Variants in LHCGR observed in about 807,000 individuals in gnomAD.
The protein encoded by LHCGR is luteinizing hormone/choriogonadotropin receptor.
A neutral mutation model predicts 60.7 loss-of-function variants in LHCGR; 55 were observed. The observed-to-expected ratio is 0.91, with a 90% CI of 0.73 to 1.13. The LOEUF is 1.13. LHCGR is among the 50% of genes most tolerant of loss of function. The pLI is 0.00. For missense variants in LHCGR, 862 were observed against 836.0 expected (o/e 1.03, Z -0.38); for synonymous variants, 337 against 316.5 (o/e 1.06, Z -0.69).
At chr2:48,742,870 C>T (rs1443784308) in intron 1 of LHCGR, among the ~76,000 whole-genome samples, 1 of 151,852 alleles carries the variant, frequency 6.6e-6, no homozygotes, top group Non-Finnish European at 1.5e-5. Flanking sequence ...CATAGAGACA[C>T]AAAAAACCCT....
intron 1 of LHCGR, among the ~76,000 whole-genome samples, chr2:48,733,577 A>T (rs1669096661): frequency 6.6e-6 from 1 of 152,156 alleles, no homozygotes; most frequent in African/African-American, 2.4e-5. Context: ...TAAAAGAGAC[A>T]CCAAGTGAAC....
Position 48,687,984 on chromosome 2 carries a change from T to C in LHCGR, c.1813A>G (p.Lys605Glu), listed in dbSNP as rs1239929044. ...GGATAAAAAAGAACCAGTAAAACTT[T>C]AGAGTTGGTTACTGTGATAAGAGGT... ...KVPLITVTNS[K>E]VLLVLFYPIN... The change falls in exon 11 of 11, where the codon AAA becomes GAA. Residue 605 changes from lysine to glutamate, a missense_variant. By Grantham distance (56) the Lys-to-Glu change is moderately conservative (BLOSUM62 1). Coordinates refer to ENST00000294954, the MANE Select transcript of LHCGR (RefSeq NM_000233.4). The C allele has an allele frequency of 1.9e-6, 3 of 1,614,050 alleles. No homozygotes were observed. Among genetic ancestry groups the C allele is most frequent in the Non-Finnish European group, 1.7e-6 (2 of 1,180,024 alleles).
chr2:48,736,052 T>C (rs952732423), intron 1 of LHCGR, among the ~76,000 whole-genome samples: 1 of 152,190 alleles, frequency 6.6e-6, no homozygotes, highest in African/African-American at 2.4e-5. Flanking sequence ...CCCTTTTGCC[T>C]TCTGCCATGA....
chr2:48,692,770 T>C (rs779864449), intron 10 of LHCGR, among the ~76,000 whole-genome samples: 3 of 152,210 alleles, frequency 2.0e-5, no homozygotes, highest in Non-Finnish European at 4.4e-5. Context: ...CTCTAGAATT[T>C]CTAAACTCTA....
intron 10 of LHCGR, among the ~76,000 whole-genome samples, chr2:48,692,592 C>T (rs527346485): frequency 3.3e-5 from 5 of 152,278 alleles, no homozygotes; most frequent in Admixed American, 2.0e-4. Context: ...TATGAATGGA[C>T]TCACATGGGC....
intron 7 of LHCGR, among the ~76,000 whole-genome samples, chr2:48,712,601 C>T (rs1668048632): frequency 6.6e-6 from 1 of 152,160 alleles, no homozygotes; most frequent in Non-Finnish European, 1.5e-5. Context: ...AAAAATTCTA[C>T]AATTTCTTGA....
intron 1 of LHCGR, among the ~76,000 whole-genome samples, 158 bp downstream of exon 1, chr2:48,755,353 T>A (rs1033437097): frequency 6.6e-6 from 1 of 152,004 alleles, no homozygotes; most frequent in Non-Finnish European, 1.5e-5. Flanking sequence ...AAGTTTTGGG[T>A]TCTCATCACC....
intron 7 of LHCGR, among the ~76,000 whole-genome samples, chr2:48,710,163 G>A (rs1027606479): frequency 1.3e-5 from 2 of 152,032 alleles, no homozygotes; most frequent in African/African-American, 2.4e-5. Flanking sequence ...CATTTTCTTT[G>A]GAAACCCTCA....
In LHCGR at chr2:48,688,647, G is replaced by T. The variant is rs2104356754; in HGVS notation, c.1150C>A (p.Leu384Ile). 6.2e-7 allele frequency: 1 copy of T among 1,614,080 alleles called. No individual in the cohort carries two copies. Among genetic ancestry groups the T allele is most frequent in the Non-Finnish European group, 8.5e-7 (1 of 1,179,998 alleles). The change falls in exon 11 of 11, where the codon CTC (leucine) becomes ATC (isoleucine). Residue 384 changes from leucine to isoleucine, a missense_variant. Leu to Ile is a conservative substitution (Grantham distance 5). Coordinates refer to ENST00000294954, the MANE Select transcript of LHCGR (RefSeq NM_000233.4). This position sits in a 1 kb window ranked among gnomAD's most constrained non-coding sequence, Gnocchi z 5.2. ...IMGNMTVLFV[L>I]LTSRYKLTVP... The stretch of plus-strand genomic sequence containing the variant: ...GTAAGTTTGTAACGACTTGTCAGGA[G>T]AACAAAAAGAACAGTCATGTTTCCC...
chr2:48,698,864 CG>C, intron 8 of LHCGR, 64 bp from the exon 9 acceptor site: 1 of 1,357,984 alleles, frequency 7.4e-7, no homozygotes, highest in East Asian at 2.6e-5. Flanking sequence ...TTTTTTGAGA[CG>C]GAGTCTTGCT....
rs1668873542 is a variant in LHCGR, at chr2:48,729,174, T to C, written c.287A>G (p.Asn96Ser). 6.2e-7 allele frequency: 1 copy of C among 1,611,760 alleles called. No individual in the cohort carries two copies. The highest frequency in any genetic ancestry group is 1.1e-5 in the South Asian group (1 of 91,056). Residue 96 changes from asparagine (N) to serine (S), a missense_variant, in exon 3 of 11, where the codon AAC becomes AGC. Asn to Ser is a conservative substitution (Grantham distance 46). Transcript: ENST00000294954. ...TTACATTTCAGACAAATTGAGGAGG[T>C]TGTCAAAGGCATTAGCTTCTATCCT... ...LERIEANAFD[N>S]LLNLSEILIQ...
At position 48,714,022 on chromosome 2, in the gene LHCGR, T is replaced by A; in HGVS notation, c.569A>T (p.Gln190Leu). ...TGTCGTCCCATTGAATGCATGACTTTGTACTTCTTCAAATCCATTTCCATA... is the reference window on the plus strand; with the variant it reads ...TGTCGTCCCATTGAATGCATGACTTAGTACTTCTTCAAATCCATTTCCATA... ...KLYGNGFEEV[Q>L]SHAFNGTTLT... The change falls in exon 7 of 11, where the codon CAA (glutamine) becomes CTA (leucine). Residue 190 changes from glutamine to leucine, a missense_variant. By Grantham distance (113) the Gln-to-Leu change is moderately radical. Transcript: ENST00000294954. The A allele has an allele frequency of 6.2e-7, 1 of 1,613,274 alleles. No homozygotes were observed. Among genetic ancestry groups the A allele is most frequent in the Non-Finnish European group, 8.5e-7 (1 of 1,179,276 alleles).
At chr2:48,744,994 T>C (rs1269123220) in intron 1 of LHCGR, among the ~76,000 whole-genome samples, 2 of 151,720 alleles carry the variant, frequency 1.3e-5, no homozygotes, top group African/African-American at 4.8e-5. Context: ...CAAACAAATT[T>C]ACAAGAAAAA....
rs1029127960 is a variant in LHCGR, at chr2:48,739,556, A to G, written c.162-8258T>C. On this transcript the variant is annotated intron_variant, in intron 1 of 10. Coordinates refer to ENST00000294954, the MANE Select transcript of LHCGR (RefSeq NM_000233.4). ...AAAGCATCATTCTCAGCAAACTATCACAAGGACAAAAAACCAAACACTGCA... is the reference window on the plus strand; with the variant it reads ...AAAGCATCATTCTCAGCAAACTATCGCAAGGACAAAAAACCAAACACTGCA... Among the ~76,000 whole-genome samples the G allele has an allele frequency of 4.6e-5, 7 of 152,132 alleles. No homozygotes were observed. The South Asian group carries it at 1.0e-3, about 23-fold the overall frequency.
At chr2:48,734,597 C>G (rs1339871860) in intron 1 of LHCGR, among the ~76,000 whole-genome samples, 1 of 152,130 alleles carries the variant, frequency 6.6e-6, no homozygotes, top group Non-Finnish European at 1.5e-5. Context: ...CCTTCCTTTC[C>G]TTTCCTTCAT....
Position 48,706,354 on chromosome 2 carries a change from A to G in LHCGR, c.680+2594T>C, listed in dbSNP as rs185928151. ...TTTTCCTTCATTTCAACCTTGGTGA[A>G]TCTGACAGTTATGTGTCTTGGGATG... On this transcript the variant is annotated intron_variant, in intron 8 of 10. Coordinates refer to ENST00000294954, the MANE Select transcript of LHCGR (RefSeq NM_000233.4). 2.6e-3 allele frequency among the ~76,000 whole-genome samples: 398 copies of G among 152,272 alleles called. 2 individuals carry two copies. Among genetic ancestry groups the G allele is most frequent in the African/African-American group, 9.0e-3 (374 of 41,564 alleles).
rs191947558 is a variant in LHCGR, at chr2:48,714,897, G to A, written c.537-843C>T. Among the ~76,000 whole-genome samples the A allele has an allele frequency of 1.7e-3, 252 of 152,268 alleles. 1 individual carries two copies. Among genetic ancestry groups the A allele is most frequent in the South Asian group, 0.011 (51 of 4,818 alleles). On this transcript the variant is annotated intron_variant, in intron 6 of 10. Coordinates refer to ENST00000294954, the MANE Select transcript of LHCGR (RefSeq NM_000233.4). ...TGTCATTTTGCAAAGAAGGAAATAGGCTCAGTGAGGGAAAGTGACTTGTCT... is the reference window on the plus strand; with the variant it reads ...TGTCATTTTGCAAAGAAGGAAATAGACTCAGTGAGGGAAAGTGACTTGTCT...
At chr2:48,752,068 C>T (rs1669981204) in intron 1 of LHCGR, among the ~76,000 whole-genome samples, 1 of 152,040 alleles carries the variant, frequency 6.6e-6, no homozygotes, top group Non-Finnish European at 1.5e-5. Context: ...TTTTTTAAAT[C>T]AGTTTTTTCT....
At chr2:48,707,720 G>A (rs550580795) in intron 8 of LHCGR, among the ~76,000 whole-genome samples, 6 of 152,322 alleles carry the variant, frequency 3.9e-5, no homozygotes, top group South Asian at 2.1e-4. Flanking sequence ...CAGCAATGGC[G>A]GATGTCCCTT....
Sources: gnomAD v4.1 joint callset for allele counts (sites outside exome capture counted in the v4.1 genomes callset) on GRCh38, gnomAD v4.1.1 for gene constraint, Gnocchi (gnomAD v3.1) non-coding constraint, MANE v1.5 for transcripts, NCBI Gene and HGNC (gene_info 2026-07-23, HGNC 2026-07-21) for gene names.